KIAA0825: variants seen among roughly 807,000 people sequenced by gnomAD.
The protein encoded by KIAA0825 is uncharacterized protein KIAA0825.
Under a neutral mutation model 147.6 loss-of-function variants are expected in KIAA0825, and 119 were observed. The observed-to-expected ratio is 0.81, with a 90% CI of 0.69 to 0.94. KIAA0825 has a LOEUF of 0.94. KIAA0825 is among the 40% of genes least tolerant of loss of function. KIAA0825 has a pLI of 0.00. For missense variants in KIAA0825, 1,381 were observed against 1,472.7 expected (o/e 0.94, Z 1.02); for synonymous variants, 470 against 518.1 (o/e 0.91, Z 1.26).
intron 20 of KIAA0825, among the ~76,000 whole-genome samples, chr5:94,174,383 ATATT>A (rs772068466): frequency 9.9e-5 from 15 of 152,128 alleles, no homozygotes; most frequent in Non-Finnish European, 1.9e-4. Flanking sequence ...ATATATATAT[ATATT>A]TAAAATGCTT....
At chr5:94,347,453 C>A (rs1783140563) in intron 20 of KIAA0825, among the ~76,000 whole-genome samples, 1 of 152,226 alleles carries the variant, frequency 6.6e-6, no homozygotes, top group African/African-American at 2.4e-5. Flanking sequence ...AGCTGAGAGA[C>A]CCATAGACAG....
chr5:94,478,271 C>G (rs2046717306), intron 6 of KIAA0825, among the ~76,000 whole-genome samples: 1 of 152,118 alleles, frequency 6.6e-6, no homozygotes, highest in Non-Finnish European at 1.5e-5. Flanking sequence ...ATTTGGTTGG[C>G]AATAACATCA....
chr5:94,176,294 TATCCACTTTCTGCTATGAGTGGA>T (rs1251939224), intron 20 of KIAA0825, among the ~76,000 whole-genome samples: 1 of 152,182 alleles, frequency 6.6e-6, no homozygotes, highest in Admixed American at 6.6e-5. Flanking sequence ...TCTTTGCATG[TATCCACTTTCTGCTATGAGTGGA>T]AGCAGCATGA....
intron 13 of KIAA0825, among the ~76,000 whole-genome samples, chr5:94,442,496 C>A (rs1381439639): frequency 6.6e-6 from 1 of 152,112 alleles, no homozygotes; most frequent in Non-Finnish European, 1.5e-5. Flanking sequence ...ATTACTTTTG[C>A]AGATTAGTCT....
At chr5:94,566,157 T>G (rs1056520825) in intron 2 of KIAA0825, among the ~76,000 whole-genome samples, 5 of 152,206 alleles carry the variant, frequency 3.3e-5, no homozygotes. Flanking sequence ...CCATATTTTC[T>G]TAATCCATTA....
intron 2 of KIAA0825, among the ~76,000 whole-genome samples, chr5:94,544,398 T>G (rs1394248617): frequency 6.6e-6 from 1 of 152,230 alleles, no homozygotes. Flanking sequence ...CCTTCCCTCC[T>G]TGATGACTAC....
chr5:94,558,138 C>G (rs537870565), intron 2 of KIAA0825, among the ~76,000 whole-genome samples: 1 of 152,158 alleles, frequency 6.6e-6, no homozygotes, highest in Non-Finnish European at 1.5e-5. Context: ...TAACACTCAC[C>G]GCATGGCCCA....
chr5:94,412,443 C>G (rs1340594403), intron 15 of KIAA0825, among the ~76,000 whole-genome samples: 2 of 152,116 alleles, frequency 1.3e-5, no homozygotes, highest in East Asian at 3.9e-4. Flanking sequence ...ACTCCATTGC[C>G]AGGCTGGAAT....
chr5:94,511,855 G>C lies in KIAA0825; in HGVS notation c.970+8393C>G, dbSNP rs553496560. ...CTACAAAAAATTAGCTGGGCATGGT[G>C]GCGGGTGCCTGTAATCCCAGCTACT... is the stretch of plus-strand genomic sequence containing the variant. On this transcript the variant is annotated intron_variant, in intron 5 of 20. Transcript: ENST00000682413. Among the ~76,000 whole-genome samples, 21 of 151,924 alleles carry C rather than the reference G, an allele frequency of 1.4e-4. No individual in the cohort carries two copies. In the South Asian group the frequency reaches 4.4e-3, roughly 32 times the overall value.
intron 14 of KIAA0825, among the ~76,000 whole-genome samples, chr5:94,424,565 G>T (rs571991579): frequency 1.3e-5 from 2 of 152,044 alleles, no homozygotes; most frequent in South Asian, 4.2e-4. Flanking sequence ...CATGAAAAAA[G>T]CAGAAATATT....
intron 20 of KIAA0825, among the ~76,000 whole-genome samples, chr5:94,213,158 C>G (rs937021671): frequency 4.6e-5 from 7 of 152,030 alleles, no homozygotes; most frequent in Admixed American, 3.3e-4. Context: ...CACAGGCTCT[C>G]TCCCCACAAA....
At chr5:94,443,518 T>G (rs1478825929) in intron 13 of KIAA0825, among the ~76,000 whole-genome samples, 1 of 152,102 alleles carries the variant, frequency 6.6e-6, no homozygotes, top group East Asian at 1.9e-4. Context: ...ACTCAGCTTA[T>G]ACTGCAATAA....
At chr5:94,540,092 C>T (rs80033995) in intron 2 of KIAA0825, among the ~76,000 whole-genome samples, 1,585 of 152,270 alleles carry the variant, frequency 0.01, 31 homozygotes, top group African/African-American at 0.037. Flanking sequence ...CTGAACTCTT[C>T]GCCTTCCCCA....
chr5:94,403,575 A>G lies in KIAA0825; in HGVS notation c.2881T>C (p.Cys961Arg), dbSNP rs966422301. The change falls in exon 16 of 21, where the codon TGC becomes CGC. Residue 961 changes from cysteine to arginine, a missense_variant. By Grantham distance (180) the Cys-to-Arg change is radical (BLOSUM62 -3). Transcript: ENST00000682413. ...SPKETNRKES[C>R]KSFTRLTAQA... ...GAGAAACAAGTGTACTTACTTTTGC[A>G]TGATTCTTTCCTGTTAGTTTCTTTT... The G allele has an allele frequency of 3.9e-6, 6 of 1,550,890 alleles. No homozygotes were observed. In the African/African-American group the frequency reaches 6.8e-5, roughly 18 times the overall value.
At chr5:94,398,437 CTGAGTA>C (rs2067285) in intron 16 of KIAA0825, among the ~76,000 whole-genome samples, 14,970 of 152,072 alleles carry the variant, frequency 0.098, 1,010 homozygotes, top group East Asian at 0.26. Context: ...TTTTAGACTT[CTGAGTA>C]TATCATTACT....
chr5:94,160,097 A>G (rs529921451), intron 20 of KIAA0825, among the ~76,000 whole-genome samples: 10 of 152,240 alleles, frequency 6.6e-5, no homozygotes, highest in Admixed American at 4.6e-4. Flanking sequence ...AGGGAGGTTC[A>G]AATCAGAGGG....
rs181231628 is a variant in KIAA0825, at chr5:94,286,665, A to G, written c.3710+97703T>C. ...ATTCTTGGGCTCAAGGGAGCCTCCC[A>G]TCTCAGCCTCCAAGTAGCTGGACTA... On this transcript the variant is annotated intron_variant, in intron 20 of 20. Transcript: ENST00000682413. Among the ~76,000 whole-genome samples the G allele has an allele frequency of 5.9e-5, 9 of 152,088 alleles. No homozygotes were observed. The East Asian group carries it at 1.2e-3, about 20-fold the overall frequency.
chr5:94,492,453 A>C (rs970481393), intron 5 of KIAA0825, among the ~76,000 whole-genome samples: 4 of 152,134 alleles, frequency 2.6e-5, no homozygotes, highest in African/African-American at 9.7e-5. Context: ...GCTCCTTCCT[A>C]TTTTGCCTTG....
intron 1 of KIAA0825, chr5:94,593,437 G>C: frequency 1.4e-6 from 1 of 740,308 alleles, no homozygotes; most frequent in Non-Finnish European, 2.4e-6. Context: ...TGACACCACA[G>C]ATTCTTCTGA....
Sources: allele counts gnomAD v4.1 joint callset (sites outside exome capture counted in the v4.1 genomes callset), GRCh38; gene constraint gnomAD v4.1.1; transcripts MANE v1.5; gene names NCBI Gene and HGNC (gene_info 2026-07-23, HGNC 2026-07-21).